The following PRIMPOL variants were observed in gnomAD, a reference collection of about 807,000 sequenced individuals.
The protein encoded by PRIMPOL is primase and DNA directed polymerase.
Under a neutral mutation model 63.6 loss-of-function variants are expected in PRIMPOL, and 54 were observed. That is an observed-to-expected ratio of 0.85 (90% CI 0.68 to 1.07). The LOEUF (loss-of-function observed/expected upper bound fraction) is 1.07. Ranked by LOEUF, PRIMPOL falls within the 50% of genes least tolerant of loss-of-function variation. The pLI is 0.00. For synonymous variants in PRIMPOL, 197 were observed against 220.2 expected, an observed-to-expected ratio of 0.89 and a Z score of 0.93; for missense variants, 610 against 648.3, an observed-to-expected ratio of 0.94 and a Z score of 0.64.
chr4:184,663,605 T>C (rs895979504), intron 5 of PRIMPOL, among the ~76,000 whole-genome samples: 1 of 152,234 alleles, frequency 6.6e-6, no homozygotes, highest in Non-Finnish European at 1.5e-5. Context: ...GTGTTTAGAA[T>C]TTTTTTCTCC....
intron 7 of PRIMPOL, among the ~76,000 whole-genome samples, chr4:184,677,899 C>T (rs2150124373): frequency 6.6e-6 from 1 of 152,120 alleles, no homozygotes; most frequent in East Asian, 1.9e-4. Flanking sequence ...TTGGTCCTTC[C>T]CTTTTCTCTG....
At chr4:184,674,507 TA>T (rs1186705916) in intron 7 of PRIMPOL, among the ~76,000 whole-genome samples, 2 of 152,200 alleles carry the variant, frequency 1.3e-5, no homozygotes, top group Non-Finnish European at 2.9e-5. Flanking sequence ...CCTGTATTTT[TA>T]CTGTGTAATT....
Position 184,659,692 on chromosome 4 carries a change from G to A in PRIMPOL, c.278+255G>A, listed in dbSNP as rs562912211. Among the ~76,000 whole-genome samples the A allele has an allele frequency of 2.6e-4, 39 of 152,218 alleles. No homozygotes were observed. The South Asian group carries it at 7.5e-3, about 29-fold the overall frequency. On this transcript the variant is annotated intron_variant, in intron 4 of 13. Transcript: ENST00000314970. ...AAGGGAGTTTTGAAATTTCTCTTTT[G>A]CAAACAGGTATTAAATTATACTATT...
chr4:184,691,610 A>G lies in PRIMPOL; in HGVS notation c.1378+29A>G, dbSNP rs1203327433. On this transcript the variant is annotated intron_variant, in intron 12 of 13. Coordinates refer to ENST00000314970, the MANE Select transcript of PRIMPOL (RefSeq NM_152683.4). ...AGTTACTAATTTTTACATTTACCACAAAGTAAAAATTAGATAACTGTAATA... is the reference window on the plus strand; with the variant it reads ...AGTTACTAATTTTTACATTTACCACGAAGTAAAAATTAGATAACTGTAATA... 5.0e-6 allele frequency: 8 copies of G among 1,602,468 alleles called. No individual in the cohort carries two copies. The South Asian group carries it at 8.8e-5, about 18-fold the overall frequency.
intron 2 of PRIMPOL, among the ~76,000 whole-genome samples, chr4:184,654,057 G>C (rs2150021851): frequency 6.6e-6 from 1 of 152,302 alleles, no homozygotes; most frequent in East Asian, 1.9e-4. Context: ...GGTTTCCCCA[G>C]TTCAGTGAGT....
At chr4:184,691,882 T>C (rs919717237) in intron 13 of PRIMPOL, among the ~76,000 whole-genome samples, 170 bp downstream of exon 13, 1 of 134,904 alleles carries the variant, frequency 7.4e-6, no homozygotes, top group Non-Finnish European at 1.5e-5. Context: ...TCAGCACATA[T>C]CTGATAATAC....
chr4:184,682,311 A>G lies in PRIMPOL; in HGVS notation c.1071A>G (p.Gly357=). 6.3e-7 allele frequency: 1 copy of G among 1,597,184 alleles called. No homozygotes were observed. Among genetic ancestry groups the G allele is most frequent in the Non-Finnish European group, 8.6e-7 (1 of 1,165,356 alleles). Residue 357 remains glycine, a synonymous_variant, in exon 9 of 14, where the codon GGA becomes GGG. Coordinates refer to ENST00000314970, the MANE Select transcript of PRIMPOL (RefSeq NM_152683.4). Reference sequence around the variant, plus strand: ...CTCAGAATAAACAAAAAGGAGTTGGATATTTTAACAGTATCGGCACTTCAG... The same window carrying G: ...CTCAGAATAAACAAAAAGGAGTTGGGTATTTTAACAGTATCGGCACTTCAG... ...EPSQNKQKGV[G]YFNSIGTSVE...
chr4:184,683,344 C>T (rs1443042444), intron 9 of PRIMPOL, among the ~76,000 whole-genome samples: 1 of 151,668 alleles, frequency 6.6e-6, no homozygotes, highest in African/African-American at 2.4e-5. Flanking sequence ...ATCACTTGAA[C>T]CTGGGAGGCG....
intron 11 of PRIMPOL, among the ~76,000 whole-genome samples, chr4:184,689,336 A>C (rs1757837068): frequency 6.6e-6 from 1 of 151,914 alleles, no homozygotes; most frequent in South Asian, 2.1e-4. Context: ...TGCTGGAATT[A>C]CAGGTGTGAA....
rs2150193585 is a variant in PRIMPOL, at chr4:184,694,671, T to C, written c.1575T>C (p.Ala525=). ...NGIDDAYFLE[A]TEDAELAEAA... ...TTGATGATGCTTATTTTTTAGAAGC[T>C]ACTGAAGATGCTGAATTAGCTGAAG... The change falls in exon 14 of 14, where the codon GCT becomes GCC. Residue 525 remains alanine, a synonymous_variant. Coordinates refer to ENST00000314970, the MANE Select transcript of PRIMPOL (RefSeq NM_152683.4). 1 of 1,614,162 alleles carries C rather than the reference T, an allele frequency of 6.2e-7. No individual in the cohort carries two copies. Among genetic ancestry groups the C allele is most frequent in the Non-Finnish European group, 8.5e-7 (1 of 1,179,994 alleles).
intron 2 of PRIMPOL, among the ~76,000 whole-genome samples, chr4:184,652,769 C>T (rs1430421920): frequency 6.6e-6 from 1 of 150,716 alleles, no homozygotes; most frequent in African/African-American, 2.4e-5. Context: ...GCAGAAAATG[C>T]AAAATACTGA....
chr4:184,660,211 G>T (rs148055749), intron 4 of PRIMPOL, among the ~76,000 whole-genome samples: 1 of 149,246 alleles, frequency 6.7e-6, no homozygotes, highest in East Asian at 2.0e-4. Flanking sequence ...TTTTGAGACA[G>T]TTTCACTCTT....
chr4:184,677,839 A>G (rs1040845537), intron 7 of PRIMPOL, among the ~76,000 whole-genome samples: 1 of 152,222 alleles, frequency 6.6e-6, no homozygotes, highest in African/African-American at 2.4e-5. Context: ...AATGTACTGA[A>G]TAGAAATCTT....
At position 184,682,327 on chromosome 4, in the gene PRIMPOL, G is replaced by A. The variant is rs199831589; in HGVS notation, c.1087G>A (p.Gly363Ser). The A allele has an allele frequency of 5.1e-6, 8 of 1,567,090 alleles. No individual in the cohort carries two copies. In the South Asian group the frequency reaches 5.6e-5, roughly 11 times the overall value. ...AGGAGTTGGATATTTTAACAGTATC[G>A]GCACTTCAGGTAAATTTTTTGATGT... Reference protein sequence around the residue: ...QKGVGYFNSIGTSVETIEGFQ... With the variant: ...QKGVGYFNSISTSVETIEGFQ... Residue 363 changes from glycine (G) to serine (S), a missense_variant, in exon 9 of 14, where the codon GGC becomes AGC. Physicochemically the swap from Gly to Ser is moderately conservative, Grantham distance 56 (BLOSUM62 0). Around this residue, in one of 3 missense-constraint regions of PRIMPOL, gnomAD observed 444 missense variants for 456.4 expected, o/e 0.97. Transcript: ENST00000314970.
At chr4:184,652,591 T>TCA (rs1744871216) in intron 2 of PRIMPOL, among the ~76,000 whole-genome samples, 1 of 152,166 alleles carries the variant, frequency 6.6e-6, no homozygotes, top group South Asian at 2.1e-4. Flanking sequence ...GAAAGTGAAC[T>TCA]TATATAATAA....
intron 9 of PRIMPOL, among the ~76,000 whole-genome samples, chr4:184,683,109 G>A (rs550595276): frequency 1.3e-5 from 2 of 151,796 alleles, no homozygotes; most frequent in Admixed American, 1.3e-4. Flanking sequence ...TATCTCAAAT[G>A]GAAAAAGTAT....
At chr4:184,676,367 TCCC>T (rs1753376784) in intron 7 of PRIMPOL, among the ~76,000 whole-genome samples, 1 of 31,088 alleles carries the variant, frequency 3.2e-5, no homozygotes, top group Non-Finnish European at 6.9e-5. Context: ...CCTTCTCCTT[TCCC>T]TTCCCTTCCC....
intron 6 of PRIMPOL, among the ~76,000 whole-genome samples, chr4:184,669,046 G>A (rs756620115): frequency 6.6e-6 from 1 of 152,092 alleles, no homozygotes; most frequent in African/African-American, 2.4e-5. Flanking sequence ...TGTCTGACAC[G>A]ATGTGGTCTG....
rs933410964 is a variant in PRIMPOL at position 184,691,706 on chromosome 4, C to CAAAG, written c.1421_1424dup (p.Glu476ArgfsTer9). On this transcript the variant is annotated frameshift_variant, in exon 13 of 14. Transcript: ENST00000314970. LOFTEE classifies it low-confidence loss of function (END_TRUNC). The stretch of plus-strand genomic sequence containing the variant: ...CTGAAGTATGTCTCCTGTTTCTTTT[C>CAAAG]AAAGAGGTAAGTACAGATTTTAGTG... The CAAAG allele has an allele frequency of 3.8e-5, 61 of 1,610,750 alleles. No individual in the cohort carries two copies. The highest frequency in any genetic ancestry group is 4.9e-5 in the Non-Finnish European group (58 of 1,177,628).
Sources: allele counts gnomAD v4.1 joint callset (sites outside exome capture counted in the v4.1 genomes callset), GRCh38; gene constraint gnomAD v4.1.1; regional missense constraint gnomAD v4.1.1; transcripts MANE v1.5; gene names NCBI Gene and HGNC (gene_info 2026-07-23, HGNC 2026-07-21).